The following DAB1 variants were observed in gnomAD, a reference collection of about 807,000 sequenced individuals.
The protein encoded by DAB1 is disabled homolog 1.
DAB1 carries 15 observed loss-of-function variants against 64.6 expected under a neutral mutation model. That is an observed-to-expected ratio of 0.23 (90% CI 0.16 to 0.36). DAB1 has a LOEUF of 0.36. Ranked by LOEUF, DAB1 falls within the 10% of genes least tolerant of loss-of-function variation. The pLI is 1.00. For synonymous variants in DAB1, 235 were observed against 251.9 expected (o/e 0.93, Z 0.64); for missense variants, 596 against 706.7 (o/e 0.84, Z 1.78).
rs148772095 is a variant in DAB1 at position 57,949,327 on chromosome 1, G to A, written n.388-65165C>T. On this transcript the variant is annotated intron_variant and non_coding_transcript_variant, in intron 5 of 20. Coordinates refer to the DAB1 transcript ENST00000485760. ...ATCTAATACCCTGCTCATCTGACAG[G>A]AGGTGGAGTTCAGGCAGCGAGGCTT... Among the ~76,000 whole-genome samples the A allele has an allele frequency of 7.3e-3, 1,105 of 152,278 alleles. 13 individuals are homozygous for A. The highest frequency in any genetic ancestry group is 0.026 in the African/African-American group (1,063 of 41,562).
intron 1 of DAB1, among the ~76,000 whole-genome samples, chr1:57,339,398 C>T (rs1033183542): frequency 4.0e-5 from 6 of 151,812 alleles, no homozygotes; most frequent in African/African-American, 9.7e-5. Flanking sequence ...CCTCGTGATC[C>T]ACACGCCTTG....
At chr1:57,880,456 C>T (rs560316841) in intron 1 of DAB1, 7 of 152,272 alleles carry the variant, frequency 4.6e-5, no homozygotes, top group African/African-American at 1.7e-4. Flanking sequence ...GTTGACTCTT[C>T]TCACCCTATT....
At chr1:57,457,628 G>T (rs1315317767) in intron 7 of DAB1, among the ~76,000 whole-genome samples, 1 of 152,102 alleles carries the variant, frequency 6.6e-6, no homozygotes, top group South Asian at 2.1e-4. Context: ...ATGGACGGAG[G>T]TGAACTTAAA....
At chr1:57,941,903 T>C (rs957884513) in intron 5 of DAB1, among the ~76,000 whole-genome samples, 4 of 152,200 alleles carry the variant, frequency 2.6e-5, no homozygotes, top group Non-Finnish European at 5.9e-5. Flanking sequence ...GAAAACTGAA[T>C]AGTGATCTCA....
chr1:57,166,354 G>GAAA (rs1302279231), intron 2 of DAB1, among the ~76,000 whole-genome samples: 1 of 152,106 alleles, frequency 6.6e-6, no homozygotes, highest in Admixed American at 6.6e-5. Flanking sequence ...AAAAGAAGAA[G>GAAA]AAAAGAGAGA....
At chr1:58,132,410 A>G (rs1484538082) in intron 5 of DAB1, among the ~76,000 whole-genome samples, 1 of 151,936 alleles carries the variant, frequency 6.6e-6, no homozygotes, top group Non-Finnish European at 1.5e-5. Context: ...TGCAGAAATC[A>G]CCCGTCTTCT....
rs530158906 is a variant in DAB1 at position 57,940,239 on chromosome 1, A to G, written n.388-56077T>C. On this transcript the variant is annotated intron_variant and non_coding_transcript_variant, in intron 5 of 20. Coordinates refer to the DAB1 transcript ENST00000485760. ...AACACATTTCAGGAAATTGAGGGCC[A>G]TGATGCCGGCTGTATATTGACAACA... is the stretch of plus-strand genomic sequence containing the variant. Among the ~76,000 whole-genome samples the G allele has an allele frequency of 2.9e-3, 437 of 152,350 alleles. 1 individual carries two copies. The highest frequency in any genetic ancestry group is 0.01 in the African/African-American group (425 of 41,578).
At chr1:57,521,790 G>A (rs577171785) in intron 7 of DAB1, among the ~76,000 whole-genome samples, 5 of 152,298 alleles carry the variant, frequency 3.3e-5, no homozygotes, top group African/African-American at 1.2e-4. Flanking sequence ...AACGCTGATT[G>A]CCTACAGAGG....
chr1:57,341,064 A>T (rs909024612), intron 1 of DAB1, among the ~76,000 whole-genome samples: 26 of 152,312 alleles, frequency 1.7e-4, no homozygotes, highest in African/African-American at 6.3e-4. Context: ...GAGCAGCAGC[A>T]TGAGGTGCCC....
chr1:57,072,185 G>A, intron 5 of DAB1, 98 bp downstream of exon 5: 1 of 1,332,624 alleles, frequency 7.5e-7, no homozygotes, highest in Non-Finnish European at 1.1e-6. Context: ...ACATTGCTTG[G>A]TCATATCTGA....
chr1:57,108,709 G>A (rs1282837921), intron 4 of DAB1, among the ~76,000 whole-genome samples: 2 of 152,176 alleles, frequency 1.3e-5, no homozygotes, highest in Non-Finnish European at 2.9e-5. Context: ...AGATTGCTTG[G>A]TCCTGACTCT....
chr1:58,319,931 T>C (rs1284724095), intron 4 of DAB1, among the ~76,000 whole-genome samples: 3 of 152,196 alleles, frequency 2.0e-5, no homozygotes, highest in African/African-American at 7.2e-5. Context: ...GCTTGGAAAC[T>C]AGGTGAAGAT....
chr1:58,424,788 A>T (rs146758525), intron 3 of DAB1, among the ~76,000 whole-genome samples: 11 of 152,272 alleles, frequency 7.2e-5, no homozygotes, highest in African/African-American at 2.4e-4. Flanking sequence ...TAAAAAATAA[A>T]ATAATAGGGC....
At chr1:58,028,237 C>G (rs1646922972) in intron 5 of DAB1, among the ~76,000 whole-genome samples, 1 of 152,164 alleles carries the variant, frequency 6.6e-6, no homozygotes. Context: ...GGGTCATGTT[C>G]CTGCAAGGCT....
intron 2 of DAB1, among the ~76,000 whole-genome samples, chr1:57,259,150 A>G (rs534120721): frequency 5.9e-5 from 9 of 152,182 alleles, no homozygotes; most frequent in Non-Finnish European, 1.3e-4. Context: ...CCAACATTCT[A>G]TCCTTTGGTC....
chr1:57,993,611 C>T (rs1646380791), intron 5 of DAB1, among the ~76,000 whole-genome samples: 1 of 152,210 alleles, frequency 6.6e-6, no homozygotes, highest in Non-Finnish European at 1.5e-5. Context: ...GTCCTAGTTT[C>T]TAACCCTCAA....
chr1:57,161,319 A>G (rs1257403562), intron 2 of DAB1, among the ~76,000 whole-genome samples: 2 of 152,306 alleles, frequency 1.3e-5, no homozygotes, highest in Non-Finnish European at 2.9e-5. Context: ...AAAAGAGAAC[A>G]ACCAGAGCTA....
intron 6 of DAB1, among the ~76,000 whole-genome samples, chr1:57,692,075 G>A (rs1419394833): frequency 2.0e-5 from 3 of 151,846 alleles, no homozygotes; most frequent in African/African-American, 4.8e-5. Flanking sequence ...AAGCCATTCT[G>A]CTCCAGGGTC....
intron 4 of DAB1, among the ~76,000 whole-genome samples, chr1:58,154,095 A>T (rs1001037838): frequency 6.6e-6 from 1 of 151,828 alleles, no homozygotes; most frequent in African/African-American, 2.4e-5. Context: ...GTTATCCCTG[A>T]TCCATCACCA....
Sources: gnomAD v4.1 joint callset for allele counts (sites outside exome capture counted in the v4.1 genomes callset) on GRCh38, gnomAD v4.1.1 for gene constraint, MANE v1.5 for transcripts, NCBI Gene and HGNC (gene_info 2026-07-23, HGNC 2026-07-21) for gene names.